The following NR2F1-AS1 variants were observed in gnomAD, a reference collection of about 807,000 sequenced individuals.
NR2F1-AS1 encodes the protein NR2F1 regulatory antisense RNA 1.
chr5:93,578,554 C>T (rs1752948605), intron 1 of NR2F1-AS1, among the ~76,000 whole-genome samples: 2 of 152,168 alleles, frequency 1.3e-5, no homozygotes, highest in African/African-American at 2.4e-5. Flanking sequence ...CTGGAGAGGG[C>T]TGAGCCCCTG....
intron 4 of NR2F1-AS1, among the ~76,000 whole-genome samples, chr5:93,471,881 G>A (rs1370972350): frequency 6.6e-6 from 1 of 151,780 alleles, no homozygotes; most frequent in Non-Finnish European, 1.5e-5. Context: ...TCCATCAAAG[G>A]TGAACTTATT....
In NR2F1-AS1 at chr5:93,579,021, G is replaced by A. The variant is rs1273766273; in HGVS notation, n.313+1446C>T. On this transcript the variant is annotated intron_variant and non_coding_transcript_variant, in intron 1 of 5. Transcript: ENST00000660523. This position sits in a 1 kb window ranked among gnomAD's most constrained non-coding sequence, Gnocchi z 5.1. ...CTCTAGGGAAGACATTTTTGCTGGAGGCAGGGCTATGAGCACAAGTGGGGC... is the reference window on the plus strand; with the variant it reads ...CTCTAGGGAAGACATTTTTGCTGGAAGCAGGGCTATGAGCACAAGTGGGGC... Among the ~76,000 whole-genome samples, 6 of 152,152 alleles carry A rather than the reference G, an allele frequency of 3.9e-5. No homozygotes were observed. Among genetic ancestry groups the A allele is most frequent in the Non-Finnish European group, 8.8e-5 (6 of 68,026 alleles).
intron 4 of NR2F1-AS1, chr5:93,411,131 T>TGTCTCCCACATCTTC (rs1369669713): frequency 6.6e-6 from 1 of 152,238 alleles, no homozygotes; most frequent in Non-Finnish European, 1.5e-5. Context: ...TCCACATCTT[T>TGTCTCCCACATCTTC]GTCTCCCACA....
At chr5:93,515,470 C>G (rs980028598) in intron 4 of NR2F1-AS1, among the ~76,000 whole-genome samples, 1 of 151,874 alleles carries the variant, frequency 6.6e-6, no homozygotes, top group African/African-American at 2.4e-5. Flanking sequence ...AGATCACATA[C>G]CTCTCCTTAG....
intron 4 of NR2F1-AS1, among the ~76,000 whole-genome samples, chr5:93,503,176 G>A (rs1751119143): frequency 6.6e-6 from 1 of 152,138 alleles, no homozygotes; most frequent in African/African-American, 2.4e-5. Flanking sequence ...ACTAACTTAT[G>A]TATCAAGTTG....
At chr5:93,507,933 A>G (rs542678772) in intron 4 of NR2F1-AS1, among the ~76,000 whole-genome samples, 25 of 152,314 alleles carry the variant, frequency 1.6e-4, no homozygotes, top group Non-Finnish European at 1.5e-4. Context: ...TAAAACTTCT[A>G]TGGAGGAAAT....
chr5:93,479,725 TTTAAA>T (rs1252409395), intron 4 of NR2F1-AS1, among the ~76,000 whole-genome samples: 1 of 152,142 alleles, frequency 6.6e-6, no homozygotes, highest in African/African-American at 2.4e-5. Flanking sequence ...AAGCAAAGAC[TTTAAA>T]TTAACTGGCT....
chr5:93,579,211 C>T lies in NR2F1-AS1; in HGVS notation n.313+1256G>A, dbSNP rs1752963150. Among the ~76,000 whole-genome samples, 3 of 152,256 alleles carry T rather than the reference C, an allele frequency of 2.0e-5. No homozygotes were observed. The South Asian group carries it at 6.2e-4, about 32-fold the overall frequency. ...TGTGACAGAAAGTTGGCAAGGATGC[C>T]CCGTAGGAGTGCGAGCCGCTCCCCT... On this transcript the variant is annotated intron_variant and non_coding_transcript_variant, in intron 1 of 5. Transcript: ENST00000660523. The surrounding 1 kb of genome is among the most constrained non-coding windows in gnomAD (Gnocchi z 5.1).
intron 4 of NR2F1-AS1, among the ~76,000 whole-genome samples, chr5:93,521,810 T>A (rs186684018): frequency 4.1e-4 from 62 of 152,232 alleles, no homozygotes; most frequent in African/African-American, 1.4e-3. Flanking sequence ...TGGCGATTCC[T>A]CAAACAGCTA....
At chr5:93,443,318 G>A (rs1329692569) in intron 4 of NR2F1-AS1, among the ~76,000 whole-genome samples, 1 of 152,126 alleles carries the variant, frequency 6.6e-6, no homozygotes, top group Non-Finnish European at 1.5e-5. Context: ...TTAGACAAAT[G>A]GCTAACTAGA....
At chr5:93,557,456 A>T (rs1254227746) in intron 2 of NR2F1-AS1, among the ~76,000 whole-genome samples, 1 of 152,228 alleles carries the variant, frequency 6.6e-6, no homozygotes, top group African/African-American at 2.4e-5. Flanking sequence ...CAAGTCACAC[A>T]AATTTTGTTT....
chr5:93,437,505 G>A (rs1331203869), intron 4 of NR2F1-AS1, among the ~76,000 whole-genome samples: 1 of 152,060 alleles, frequency 6.6e-6, no homozygotes, highest in African/African-American at 2.4e-5. Flanking sequence ...GAAGAGGGCT[G>A]GTCTGGACTA....
intron 2 of NR2F1-AS1, among the ~76,000 whole-genome samples, chr5:93,555,154 C>T (rs1227125202): frequency 6.6e-6 from 1 of 152,178 alleles, no homozygotes; most frequent in African/African-American, 2.4e-5. Flanking sequence ...CACTAGATTG[C>T]AAACTCCTAA....
chr5:93,556,282 T>A (rs929873696), intron 2 of NR2F1-AS1, among the ~76,000 whole-genome samples: 2 of 152,236 alleles, frequency 1.3e-5, no homozygotes, highest in Non-Finnish European at 2.9e-5. Flanking sequence ...TCCTGTTTGT[T>A]CTTCCTACAG....
At chr5:93,436,875 G>A (rs1308967579) in intron 4 of NR2F1-AS1, among the ~76,000 whole-genome samples, 1 of 151,154 alleles carries the variant, frequency 6.6e-6, no homozygotes, top group East Asian at 1.9e-4. Flanking sequence ...TCCTGGAGAG[G>A]TTTACACTCA....
intron 4 of NR2F1-AS1, among the ~76,000 whole-genome samples, chr5:93,472,695 C>T (rs1170666543): frequency 1.3e-5 from 2 of 151,798 alleles, no homozygotes; most frequent in Middle Eastern, 3.4e-3. Flanking sequence ...CAGAGTGGTA[C>T]ATTTAGTACC....
chr5:93,490,915 T>A (rs1437485044), intron 4 of NR2F1-AS1, among the ~76,000 whole-genome samples: 3 of 146,662 alleles, frequency 2.0e-5, no homozygotes, highest in Admixed American at 2.0e-4. Flanking sequence ...GTGGTGGTGA[T>A]GGGAGTGGTG....
intron 1 of NR2F1-AS1, among the ~76,000 whole-genome samples, chr5:93,575,837 G>A (rs1202240389): frequency 6.6e-6 from 1 of 152,114 alleles, no homozygotes; most frequent in African/African-American, 2.4e-5. Context: ...TAAGGTAGAC[G>A]TGTGTGCATA....
chr5:93,448,871 C>G (rs1262394318), intron 4 of NR2F1-AS1, among the ~76,000 whole-genome samples: 1 of 152,146 alleles, frequency 6.6e-6, no homozygotes, highest in Non-Finnish European at 1.5e-5. Context: ...CCAGAAACTC[C>G]CTCACTGAGA....
Sources: gnomAD v4.1 joint callset for allele counts (sites outside exome capture counted in the v4.1 genomes callset) on GRCh38, gnomAD v4.1.1 for gene constraint, Gnocchi (gnomAD v3.1) non-coding constraint, MANE v1.5 for transcripts, NCBI Gene and HGNC (gene_info 2026-07-23, HGNC 2026-07-21) for gene names.